LANCL3: variants seen among roughly 807,000 people sequenced by gnomAD.
LANCL3 encodes LanC like family member 3, also known as lanC-like protein 3.
LANCL3 carries 19 observed loss-of-function variants against 26.5 expected under a neutral mutation model. The observed-to-expected ratio is 0.72, with a 90% CI of 0.50 to 1.05. The LOEUF is 1.05. LANCL3 is among the 50% of genes least tolerant of loss of function. LANCL3 has a pLI of 0.00. For synonymous variants in LANCL3, 160 were observed against 166.6 expected, an observed-to-expected ratio of 0.96 and a Z score of 0.30; for missense variants, 318 against 362.7, an observed-to-expected ratio of 0.88 and a Z score of 1.00.
chrX:37,648,716 A>C (rs1402745819), intron 1 of LANCL3, among the ~76,000 whole-genome samples: 1 of 112,280 alleles, frequency 8.9e-6, no homozygotes, highest in East Asian at 2.8e-4. Flanking sequence ...TACTCATCTG[A>C]CAAAGGTCTA....
intron 1 of LANCL3, among the ~76,000 whole-genome samples, chrX:37,647,786 C>T (rs1212747693): frequency 8.9e-6 from 1 of 112,398 alleles, no homozygotes; most frequent in African/African-American, 3.2e-5. Flanking sequence ...AACTGTACTT[C>T]TGCACTAATA....
At position 37,677,802 on chromosome X, in the gene LANCL3, G is replaced by A. The variant is rs781875581; in HGVS notation, c.*1989G>A. 2 of 111,963 alleles carry A rather than the reference G, an allele frequency of 1.8e-5. No homozygotes were observed. The highest frequency in any genetic ancestry group is 7.4e-4 in the South Asian group (2 of 2,693). 9.2% of individuals were successfully genotyped at this position (111,963 alleles called of 1,213,427 possible). On this transcript the variant is annotated 3_prime_UTR_variant, in exon 5 of 5. Coordinates refer to ENST00000378619, the MANE Select transcript of LANCL3 (RefSeq NM_001170331.2). Reference sequence around the variant, plus strand: ...GGACAAAACCAGGATTCAAACCCAGGGTTTCACTTTCTAAGTTTATTTATT... The same window carrying A: ...GGACAAAACCAGGATTCAAACCCAGAGTTTCACTTTCTAAGTTTATTTATT...
At chrX:37,607,010 T>C (rs990761350) in intron 1 of LANCL3, among the ~76,000 whole-genome samples, 3 of 112,469 alleles carry the variant, frequency 2.7e-5, no homozygotes, top group Non-Finnish European at 5.6e-5. Flanking sequence ...CCACAGTGCC[T>C]AGCACTGTGC....
chrX:37,599,128 C>T (rs1333090267), intron 1 of LANCL3, among the ~76,000 whole-genome samples: 2 of 111,628 alleles, frequency 1.8e-5, no homozygotes, highest in Non-Finnish European at 3.8e-5. Flanking sequence ...CTAGTCTACA[C>T]GATGTAAGTA....
chrX:37,574,813 C>T (rs1242992333), intron 1 of LANCL3, among the ~76,000 whole-genome samples: 9 of 110,796 alleles, frequency 8.1e-5, no homozygotes, highest in African/African-American at 2.6e-4. Context: ...CTGTCTCAGG[C>T]TGTTTGTTCT....
intron 1 of LANCL3, among the ~76,000 whole-genome samples, chrX:37,651,209 C>T (rs782444304): frequency 3.9e-4 from 43 of 111,421 alleles, no homozygotes; most frequent in East Asian, 2.8e-3. Flanking sequence ...TGTGTCTTTA[C>T]GGCAGCATGA....
chrX:37,577,995 G>A (rs1171116134), intron 1 of LANCL3, among the ~76,000 whole-genome samples: 1 of 111,845 alleles, frequency 8.9e-6, no homozygotes, highest in African/African-American at 3.3e-5. Context: ...GGCCACTCCA[G>A]GATTGTTTCA....
At chrX:37,619,594 T>C (rs1569465260) in intron 1 of LANCL3, among the ~76,000 whole-genome samples, 2 of 111,896 alleles carry the variant, frequency 1.8e-5, no homozygotes, top group African/African-American at 3.2e-5. Flanking sequence ...TTTTAGATTA[T>C]GTGGTCCTAA....
At chrX:37,620,686 C>G (rs1925130771) in intron 1 of LANCL3, among the ~76,000 whole-genome samples, 1 of 111,732 alleles carries the variant, frequency 8.9e-6, no homozygotes, top group South Asian at 3.8e-4. Flanking sequence ...GGCGGTCTTA[C>G]TTTCCGTTGC....
intron 1 of LANCL3, among the ~76,000 whole-genome samples, chrX:37,572,790 C>G (rs1391051656): frequency 8.9e-6 from 1 of 111,980 alleles, no homozygotes; most frequent in Admixed American, 9.4e-5. Context: ...TTTCCTTTGA[C>G]TCTGCTGTCA....
At chrX:37,586,555 C>T (rs1226978531) in intron 1 of LANCL3, among the ~76,000 whole-genome samples, 3 of 111,560 alleles carry the variant, frequency 2.7e-5, no homozygotes, top group African/African-American at 9.8e-5. Context: ...TTTCATCTTC[C>T]ATCACTGATA....
intron 3 of LANCL3, among the ~76,000 whole-genome samples, chrX:37,663,378 A>G (rs1198992929): frequency 5.4e-5 from 6 of 111,960 alleles, no homozygotes; most frequent in Non-Finnish European, 1.1e-4. Flanking sequence ...GCCTAAGGTA[A>G]GTTAGCCAGA....
intron 1 of LANCL3, among the ~76,000 whole-genome samples, chrX:37,651,455 T>G (rs528077452): frequency 1.8e-5 from 2 of 112,466 alleles, no homozygotes; most frequent in South Asian, 7.4e-4. Flanking sequence ...TCTTTATAGT[T>G]AAGTTTATGT....
chrX:37,680,311 A>G lies in LANCL3; in HGVS notation c.*4498A>G, dbSNP rs782750870. ...ATGCTACATTAAATGTTTTACCCTC[A>G]TCCATTATCATAAATCTCATACTGG... On this transcript the variant is annotated 3_prime_UTR_variant, in exon 5 of 5. Transcript: ENST00000378619. 5.3e-5 allele frequency: 6 copies of G among 112,359 alleles called. No individual in the cohort carries two copies. Among genetic ancestry groups the G allele is most frequent in the Non-Finnish European group, 9.4e-5 (5 of 53,247 alleles). 9.3% of individuals were successfully genotyped at this position (112,359 alleles called of 1,213,427 possible). A position where few individuals can be genotyped will look rare whatever the true frequency, so the allele number is the denominator to read the frequency against.
In LANCL3 at chrX:37,572,043, C is replaced by T; in HGVS notation, c.173C>T (p.Ala58Val). The T allele has an allele frequency of 2.5e-6, 3 of 1,180,167 alleles. No homozygotes were observed. Among genetic ancestry groups the T allele is most frequent in the Non-Finnish European group, 3.4e-6 (3 of 881,002 alleles). ...GAGGCCCGAGGGGCGACGGCGGGGGCTAGCGCCTGCCAGGGGGGGCTTTAT... is the reference window on the plus strand; with the variant it reads ...GAGGCCCGAGGGGCGACGGCGGGGGTTAGCGCCTGCCAGGGGGGGCTTTAT... Reference protein sequence around the residue: ...GAEARGATAGASACQGGLYGG... With the variant: ...GAEARGATAGVSACQGGLYGG... The change falls in exon 1 of 5, where the codon GCT becomes GTT. Residue 58 changes from alanine (A) to valine (V), a missense_variant. Ala to Val is a moderately conservative substitution (Grantham distance 64, BLOSUM62 0). Transcript: ENST00000378619.
chrX:37,659,372 T>A, intron 2 of LANCL3, 90 bp from the exon 3 acceptor site: 2 of 670,992 alleles, frequency 3.0e-6, no homozygotes, highest in Admixed American at 5.7e-5. Flanking sequence ...AATATTGGCT[T>A]TATTGTTTTA....
In LANCL3 at chrX:37,630,676, G is replaced by T. The variant is rs1416007152; in HGVS notation, c.574-25012G>T. ...TTAGCATGAAGGGTTGTTGAATTTT[G>T]TCAAAGGCCTTTTCTGCATCTATTG... On this transcript the variant is annotated intron_variant, in intron 1 of 4. Coordinates refer to ENST00000378619, the MANE Select transcript of LANCL3 (RefSeq NM_001170331.2). 1.1e-3 allele frequency among the ~76,000 whole-genome samples: 123 copies of T among 110,118 alleles called. No homozygotes were observed. In the Middle Eastern group the frequency reaches 0.018, roughly 17 times the overall value.
intron 1 of LANCL3, among the ~76,000 whole-genome samples, chrX:37,591,253 T>C (rs1924265123): frequency 2.7e-5 from 3 of 111,681 alleles, no homozygotes; most frequent in African/African-American, 9.8e-5. Context: ...TGTCTGCATG[T>C]TTTTCTACTA....
At chrX:37,650,482 G>C (rs1926109420) in intron 1 of LANCL3, among the ~76,000 whole-genome samples, 1 of 101,454 alleles carries the variant, frequency 9.9e-6, no homozygotes, top group Non-Finnish European at 2.0e-5. Flanking sequence ...TGAAAGGTTT[G>C]GCTTTATATT....
Sources: gnomAD v4.1 joint callset for allele counts (sites outside exome capture counted in the v4.1 genomes callset) on GRCh38, gnomAD v4.1.1 for gene constraint, MANE v1.5 for transcripts, NCBI Gene and HGNC (gene_info 2026-07-23, HGNC 2026-07-21) for gene names.